The following DNAAF11 variants were observed in gnomAD, a reference collection of about 807,000 sequenced individuals.
DNAAF11 encodes the protein leucine rich repeat containing 6.
In DNAAF11, 45 loss-of-function variants were observed where a neutral mutation model predicts 60.8. The observed-to-expected ratio is 0.74, with a 90% confidence interval of 0.58 to 0.95. The LOEUF (loss-of-function observed/expected upper bound fraction) is 0.95. Ranked by LOEUF, DNAAF11 falls within the 40% of genes least tolerant of loss-of-function variation. DNAAF11 has a pLI of 0.00. For synonymous variants in DNAAF11, 191 were observed against 183.5 expected, an observed-to-expected ratio of 1.04 and a Z score of -0.33; for missense variants, 546 against 546.2, an observed-to-expected ratio of 1.00 and a Z score of 0.00.
At chr8:132,580,885 G>C (rs1201019163) in intron 11 of DNAAF11, among the ~76,000 whole-genome samples, 1 of 152,138 alleles carries the variant, frequency 6.6e-6, no homozygotes, top group African/African-American at 2.4e-5. Context: ...GATAAAATTA[G>C]CCAACTCACT....
intron 3 of DNAAF11, among the ~76,000 whole-genome samples, chr8:132,638,814 T>C (rs1218760623): frequency 6.6e-6 from 1 of 152,214 alleles, no homozygotes; most frequent in Non-Finnish European, 1.5e-5. Context: ...GAAACTTGAA[T>C]GGAATCTAAA....
chr8:132,672,624 C>T (rs189598003), intron 1 of DNAAF11, among the ~76,000 whole-genome samples: 1 of 152,298 alleles, frequency 6.6e-6, no homozygotes, highest in African/African-American at 2.4e-5. Context: ...ATACTAGTGT[C>T]TACCTCAAAA....
At chr8:132,674,147 A>AGAGGAGGAGGAGAAGGAGAAG (rs1825504532) in intron 1 of DNAAF11, among the ~76,000 whole-genome samples, 7 of 32,094 alleles carry the variant, frequency 2.2e-4, no homozygotes, top group Non-Finnish European at 4.4e-4. Context: ...AGGAGGAGGA[A>AGAGGAGGAGGAGAAGGAGAAG]GAGGAGGAGG....
the DNAAF11 span, among the ~76,000 whole-genome samples, chr8:132,680,858 A>G: frequency 2.6e-5 from 4 of 151,950 alleles, no homozygotes; most frequent in African/African-American, 7.3e-5. Context: ...TAATTGGCAC[A>G]TTACATGTAA....
At chr8:132,587,363 A>AT (rs1010936833) in intron 10 of DNAAF11, among the ~76,000 whole-genome samples, 1 of 152,292 alleles carries the variant, frequency 6.6e-6, no homozygotes, top group African/African-American at 2.4e-5. Flanking sequence ...ACCAACATTC[A>AT]TAATAACACT....
At chr8:132,606,217 A>C (rs1818117984) in intron 10 of DNAAF11, among the ~76,000 whole-genome samples, 1 of 152,168 alleles carries the variant, frequency 6.6e-6, no homozygotes, top group Non-Finnish European at 1.5e-5. Flanking sequence ...CCAGTACATA[A>C]TACTTGATAG....
At chr8:132,670,070 T>C (rs113231103) in intron 1 of DNAAF11, among the ~76,000 whole-genome samples, 290 of 151,860 alleles carry the variant, frequency 1.9e-3, no homozygotes, top group African/African-American at 6.6e-3. Flanking sequence ...AAGAAAGGTC[T>C]CAAATATTGG....
At chr8:132,675,686 AGTGAAG>A, upstream of DNAAF11, 2 of 489,612 alleles carry the variant, frequency 4.1e-6, no homozygotes, top group Admixed American at 8.3e-5. Flanking sequence ...AGGAGACCGC[AGTGAAG>A]GGGCTCAGCA....
At chr8:132,597,450 T>C (rs1817133264) in intron 10 of DNAAF11, among the ~76,000 whole-genome samples, 1 of 152,208 alleles carries the variant, frequency 6.6e-6, no homozygotes, top group Admixed American at 6.5e-5. Context: ...TGGTGAGATC[T>C]GACTTACCTT....
chr8:132,583,365 T>C (rs781215158), intron 11 of DNAAF11, among the ~76,000 whole-genome samples: 1 of 152,134 alleles, frequency 6.6e-6, no homozygotes, highest in South Asian at 2.1e-4. Context: ...ATTATGAGGA[T>C]TGAATGTATT....
At chr8:132,680,092 T>G (rs1233997406), upstream of DNAAF11, among the ~76,000 whole-genome samples, 1 of 152,032 alleles carries the variant, frequency 6.6e-6, no homozygotes, top group African/African-American at 2.4e-5. Flanking sequence ...ACCCAGGGGG[T>G]ATGAAGGACA....
the DNAAF11 span, among the ~76,000 whole-genome samples, chr8:132,685,924 T>C: frequency 6.6e-6 from 1 of 152,008 alleles, no homozygotes; most frequent in Non-Finnish European, 1.5e-5. Context: ...CCCCAGCAAA[T>C]AGTATTGAGT....
intron 10 of DNAAF11, among the ~76,000 whole-genome samples, chr8:132,589,193 A>T (rs1424644171): frequency 6.6e-6 from 1 of 152,232 alleles, no homozygotes; most frequent in Non-Finnish European, 1.5e-5. Context: ...GATGTAAGTC[A>T]TGTAGTAGAT....
At position 132,661,355 on chromosome 8, in the gene DNAAF11, G is replaced by A. The variant is rs1012088318; in HGVS notation, c.178+105C>T. ...AGATGGCTGTGTCTGTTTTCCCATG[G>A]AGTTTTTTTTTCAGTGATTGTCTTC... On this transcript the variant is annotated intron_variant, in intron 2 of 11. Coordinates refer to ENST00000620350, the MANE Select transcript of DNAAF11 (RefSeq NM_012472.6). 7 of 918,022 alleles carry A rather than the reference G, an allele frequency of 7.6e-6. No homozygotes were observed. In the Admixed American group the frequency reaches 8.8e-5, roughly 12 times the overall value. The allele number at this position is 918,022 out of a possible 1,614,324, so 56.9% of individuals were successfully genotyped here. A position where few individuals can be genotyped will look rare whatever the true frequency, so the allele number is the denominator to read the frequency against.
At chr8:132,650,957 CA>C (rs1247813686) in intron 3 of DNAAF11, among the ~76,000 whole-genome samples, 7 of 152,196 alleles carry the variant, frequency 4.6e-5, no homozygotes, top group African/African-American at 1.7e-4. Flanking sequence ...ACTTGGCCTA[CA>C]ATTAAGAAAT....
At chr8:132,620,953 A>C (rs551803525) in intron 7 of DNAAF11, among the ~76,000 whole-genome samples, 90 of 152,272 alleles carry the variant, frequency 5.9e-4, no homozygotes, top group Admixed American at 1.2e-3. Flanking sequence ...GATCACCTAC[A>C]TGTTTGATAA....
intron 11 of DNAAF11, among the ~76,000 whole-genome samples, chr8:132,577,638 C>T (rs1429000415): frequency 6.6e-6 from 1 of 152,158 alleles, no homozygotes; most frequent in Non-Finnish European, 1.5e-5. Context: ...TAACAATAGC[C>T]ACTGACATTG....
At chr8:132,573,303 G>A (rs902303089) in intron 11 of DNAAF11, among the ~76,000 whole-genome samples, 1 of 152,094 alleles carries the variant, frequency 6.6e-6, no homozygotes, top group African/African-American at 2.4e-5. Context: ...AATGTTCATT[G>A]AACAGATACG....
At chr8:132,628,874 T>G (rs1479759901) in intron 5 of DNAAF11, among the ~76,000 whole-genome samples, 4 of 152,166 alleles carry the variant, frequency 2.6e-5, no homozygotes, top group African/African-American at 9.7e-5. Flanking sequence ...AAACCAAGGA[T>G]AGTAAATTAT....
Sources: gnomAD v4.1 joint callset for allele counts (sites outside exome capture counted in the v4.1 genomes callset) on GRCh38, gnomAD v4.1.1 for gene constraint, MANE v1.5 for transcripts, NCBI Gene and HGNC (gene_info 2026-07-23, HGNC 2026-07-21) for gene names.